The following DDX5 variants were observed in gnomAD, a reference collection of about 807,000 sequenced individuals.
The protein encoded by DDX5 is DEAD-box helicase 5.
DDX5 carries 6 observed loss-of-function variants against 68.6 expected under a neutral mutation model. The observed-to-expected ratio is 0.09, with a 90% CI of 0.05 to 0.17. DDX5 has a LOEUF of 0.17. Among genes scored for constraint, DDX5 ranks in the 10% least tolerant of loss-of-function variants. DDX5 has a pLI of 1.00. For synonymous variants in DDX5, 350 were observed against 247.0 expected (o/e 1.42, Z -3.91); for missense variants, 499 against 756.1 (o/e 0.66, Z 3.99).
chr17:64,503,972 C>T lies in DDX5; in HGVS notation c.441+11G>A. 6.2e-7 allele frequency: 1 copy of T among 1,614,098 alleles called. No individual in the cohort carries two copies. Among genetic ancestry groups the T allele is most frequent in the Non-Finnish European group, 8.5e-7 (1 of 1,180,008 alleles). ...TATATCAGATCAACTCAAGAGTTCT[C>T]CCAAACTTACAGACAATGTTTTCCC... On this transcript the variant is annotated intron_variant, in intron 4 of 12. Coordinates refer to ENST00000225792, the MANE Select transcript of DDX5 (RefSeq NM_004396.5).
intron 1 of DDX5, chr17:64,505,761 T>TC: frequency 6.5e-7 from 1 of 1,536,098 alleles, no homozygotes; most frequent in Non-Finnish European, 8.7e-7. Context: ...AGATGTTCCT[T>TC]CGTCTGCCTC....
At chr17:64,500,958 A>G in intron 11 of DDX5, 185 bp from the exon 12 acceptor site, 1 of 601,360 alleles carries the variant, frequency 1.7e-6, no homozygotes, top group South Asian at 2.0e-5. Flanking sequence ...AAAAAAAAGC[A>G]CATGTCATCT....
At chr17:64,505,665 C>A (rs1192847111) in intron 1 of DDX5, 2 of 1,427,266 alleles carry the variant, frequency 1.4e-6, no homozygotes, top group Non-Finnish European at 1.9e-6. Flanking sequence ...CCTACCCCAA[C>A]AGCACCAGGG....
chr17:64,503,223 C>G lies in DDX5; in HGVS notation c.775G>C (p.Glu259Gln). Residue 259 changes from glutamate (E) to glutamine (Q), a missense_variant, in exon 7 of 13, where the codon GAA becomes CAA. Coordinates refer to ENST00000225792, the MANE Select transcript of DDX5 (RefSeq NM_004396.5). ...EADRMLDMGF[E>Q]PQIRKIVDQI... ...TCCACAATCTTCCTTATTTGGGGTT[C>G]AAAGCCCATATCAAGCATTCTATCT... is the stretch of plus-strand genomic sequence containing the variant. 6.2e-7 allele frequency: 1 copy of G among 1,614,136 alleles called. No individual in the cohort carries two copies. Among genetic ancestry groups the G allele is most frequent in the Non-Finnish European group, 8.5e-7 (1 of 1,180,014 alleles).
chr17:64,506,019 G>GTGCCCCC, intron 1 of DDX5, 57 bp downstream of exon 1: 6 of 1,360,406 alleles, frequency 4.4e-6, no homozygotes, highest in South Asian at 1.3e-5. Context: ...CCGCCACCCT[G>GTGCCCCC]ACCCGCCCTC....
In DDX5 at chr17:64,504,080, G is replaced by A. The variant is rs1555671630; in HGVS notation, c.344C>T (p.Thr115Ile). The change falls in exon 4 of 13, where the codon ACT becomes ATT. Residue 115 changes from threonine (T) to isoleucine (I), a missense_variant. Thr to Ile is a moderately conservative substitution (Grantham distance 89). Coordinates refer to ENST00000225792, the MANE Select transcript of DDX5 (RefSeq NM_004396.5). ...VMDVIARQNF[T>I]EPTAIQAQGW... ...CTGAGCTTGAATAGCAGTGGGTTCA[G>A]TGAAATTCTGTCTTGCAATAACATC... The A allele has an allele frequency of 3.7e-6, 6 of 1,614,098 alleles. No homozygotes were observed. The highest frequency in any genetic ancestry group is 1.7e-5 in the Admixed American group (1 of 60,020).
At chr17:64,506,034 C>CAAA in intron 1 of DDX5, 42 bp downstream of exon 1, 1 of 803,010 alleles carries the variant, frequency 1.2e-6, no homozygotes, top group Non-Finnish European at 1.9e-6. Context: ...GCCCTCCCAT[C>CAAA]CCCCCACCCG....
At chr17:64,504,356 A>C (rs1555671721) in intron 2 of DDX5, 38 bp from the exon 3 acceptor site, 1 of 1,533,090 alleles carries the variant, frequency 6.5e-7, no homozygotes, top group Non-Finnish European at 9.0e-7. Flanking sequence ...AATTCATGAC[A>C]ACCACCCCTA....
intron 11 of DDX5, chr17:64,501,263 G>C (rs1283091577): frequency 6.2e-6 from 1 of 162,494 alleles, no homozygotes; most frequent in African/African-American, 2.4e-5. Flanking sequence ...AAACATACCT[G>C]TCCCCCAAAA....
chr17:64,506,513 C>T (rs1224450708), upstream of DDX5: 2 of 766,718 alleles, frequency 2.6e-6, no homozygotes, highest in African/African-American at 3.5e-5. Context: ...CTTGACCTCA[C>T]CTTCTTCTGG....
chr17:64,501,452 A>C (rs2038295624), intron 11 of DDX5: 1 of 156,524 alleles, frequency 6.4e-6, no homozygotes, highest in African/African-American at 2.4e-5. Flanking sequence ...CCTGCTCTAG[A>C]TCTCATGTGC....
At position 64,503,803 on chromosome 17, in the gene DDX5, A is replaced by G; in HGVS notation, c.507T>C (p.Ile169=). The change falls in exon 5 of 13, where the codon ATT becomes ATC. Residue 169 remains isoleucine, a splice_region_variant and synonymous_variant. Transcript: ENST00000225792. ...TAAAAAGTTAAAAATATATACTTAC[A>G]ATAGGCCCATCGCCTCTCTCTAGGA... ...QPFLERGDGP[I]CLVLAPTREL... The G allele has an allele frequency of 3.1e-6, 5 of 1,613,856 alleles. No individual in the cohort carries two copies. The highest frequency in any genetic ancestry group is 1.3e-5 in the African/African-American group (1 of 75,046).
rs1555672527 is a variant in DDX5 at position 64,506,133 on chromosome 17, G to T, written c.-14C>A. The T allele has an allele frequency of 6.2e-7, 1 of 1,608,240 alleles. No homozygotes were observed. The highest frequency in any genetic ancestry group is 1.1e-5 in the South Asian group (1 of 89,994). On this transcript the variant is annotated 5_prime_UTR_variant, in exon 1 of 13. Coordinates refer to ENST00000225792, the MANE Select transcript of DDX5 (RefSeq NM_004396.5). ...ATAACCCGACATGGCGTCAATGGTT[G>T]CGGTTGGCGGGGAACGAAGTATATA...
intron 12 of DDX5, 37 bp downstream of exon 12, chr17:64,500,512 C>CTCGTAACTACCAACATTTCCTA (rs782260372): frequency 1.3e-6 from 2 of 1,585,322 alleles, no homozygotes; most frequent in Admixed American, 3.5e-5. Context: ...AACGATGTGA[C>CTCGTAACTACCAACATTTCCTA]TCGTAACTAC....
intron 10 of DDX5, 36 bp downstream of exon 10, chr17:64,502,126 A>AT: frequency 1.2e-6 from 2 of 1,613,942 alleles, no homozygotes; most frequent in Non-Finnish European, 1.7e-6. Context: ...AGCTAGGTTA[A>AT]GTAAGGGGGA....
rs781786814 is a variant in DDX5, at chr17:64,502,065, G to T, written c.1161C>A (p.Phe387Leu). The T allele has an allele frequency of 6.2e-7, 1 of 1,614,134 alleles. No individual in the cohort carries two copies. Among genetic ancestry groups the T allele is most frequent in the East Asian group, 2.2e-5 (1 of 44,880 alleles). ...TCAGAATAGGAGCTTTTCCATGTTTGAATTCTACAAAGGAAGGCATATACA... is the reference window on the plus strand; with the variant it reads ...TCAGAATAGGAGCTTTTCCATGTTTTAATTCTACAAAGGAAGGCATATACA... Reference protein sequence around the residue: ...QQERDWVLNEFKHGKAPILIA... With the variant: ...QQERDWVLNELKHGKAPILIA... The change falls in exon 11 of 13, where the codon TTC becomes TTA. Residue 387 changes from phenylalanine to leucine, a missense_variant. Around this residue, in one of 5 missense-constraint regions of DDX5, gnomAD observed 26 missense variants for 128.2 expected, o/e 0.20. Transcript: ENST00000225792.
chr17:64,502,277 C>A, intron 9 of DDX5, 54 bp from the exon 10 acceptor site: 1 of 1,583,558 alleles, frequency 6.3e-7, no homozygotes, highest in Non-Finnish European at 8.7e-7. Flanking sequence ...CCTCAGACTC[C>A]AGTGCTTGAC....
Position 64,499,909 on chromosome 17 carries a change from A to G in DDX5, c.*14T>C, listed in dbSNP as rs990076004. The G allele has an allele frequency of 1.0e-5, 16 of 1,552,166 alleles. No homozygotes were observed. The highest frequency in any genetic ancestry group is 1.3e-5 in the Non-Finnish European group (15 of 1,148,582). On this transcript the variant is annotated 3_prime_UTR_variant, in exon 13 of 13. Coordinates refer to ENST00000225792, the MANE Select transcript of DDX5 (RefSeq NM_004396.5). ...AATTATGAAAAACAGACATTTACAT[A>G]TACTTCTAAAGTCTTATTGGGAATA... is the stretch of plus-strand genomic sequence containing the variant.
rs2038511987 is a variant in DDX5 at position 64,506,210 on chromosome 17, G to A, written c.-91C>T. The A allele has an allele frequency of 6.4e-6, 10 of 1,563,370 alleles. No individual in the cohort carries two copies. The highest frequency in any genetic ancestry group is 3.9e-5 in the Admixed American group (2 of 51,910). On this transcript the variant is annotated 5_prime_UTR_variant, in exon 1 of 13. Coordinates refer to ENST00000225792, the MANE Select transcript of DDX5 (RefSeq NM_004396.5). ...ATGGCCTCGATGACGGCGAAGCCTT[G>A]CGGGGGCGGCAGCGGAGGAAGGACA... is the stretch of plus-strand genomic sequence containing the variant.
Sources: allele counts gnomAD v4.1 joint callset, GRCh38; gene constraint gnomAD v4.1.1; regional missense constraint gnomAD v4.1.1; transcripts MANE v1.5; gene names NCBI Gene and HGNC (gene_info 2026-07-23, HGNC 2026-07-21).